The following HELZ variants were observed in gnomAD, a reference collection of about 807,000 sequenced individuals.
The protein encoded by HELZ is helicase with zinc finger, also known as ATP-dependent RNA helicase with zinc finger domain.
Under a neutral mutation model 218.2 loss-of-function variants are expected in HELZ, and 23 were observed. The observed-to-expected ratio is 0.11, with a 90% CI of 0.08 to 0.15. The LOEUF is 0.15. Among genes scored for constraint, HELZ ranks in the 10% least tolerant of loss-of-function variants. The pLI, the probability that HELZ is intolerant of heterozygous loss-of-function variation, is 1.00. For missense variants in HELZ, 1,813 were observed against 2,353.7 expected (o/e 0.77, Z 4.75); for synonymous variants, 814 against 829.4 (o/e 0.98, Z 0.32).
intron 32 of HELZ, among the ~76,000 whole-genome samples, chr17:67,084,535 C>T (rs916505584): frequency 1.3e-5 from 2 of 151,836 alleles, no homozygotes; most frequent in Non-Finnish European, 2.9e-5. Context: ...TGGTGGCGGG[C>T]GCCTGTAGTC....
chr17:67,141,737 A>G (rs911763689), intron 21 of HELZ, among the ~76,000 whole-genome samples: 1 of 152,034 alleles, frequency 6.6e-6, no homozygotes, highest in African/African-American at 2.4e-5. Flanking sequence ...CTCAAAAAAT[A>G]TAATTAAAAA....
intron 5 of HELZ, among the ~76,000 whole-genome samples, chr17:67,211,214 TC>T (rs2040441398): frequency 6.6e-6 from 1 of 152,062 alleles, no homozygotes; most frequent in Non-Finnish European, 1.5e-5. Flanking sequence ...TTTAATCAGT[TC>T]CTGGTTTAAA....
intron 23 of HELZ, among the ~76,000 whole-genome samples, chr17:67,130,169 A>G (rs1371456772): frequency 1.3e-5 from 2 of 152,098 alleles, no homozygotes; most frequent in African/African-American, 4.8e-5. Flanking sequence ...GAGATACTGG[A>G]GATTCAGAAG....
At chr17:67,168,288 T>G (rs2039209598) in intron 13 of HELZ, among the ~76,000 whole-genome samples, 1 of 152,120 alleles carries the variant, frequency 6.6e-6, no homozygotes, top group South Asian at 2.1e-4. Flanking sequence ...CAACAAAACT[T>G]TTTTTTAAGT....
In HELZ at chr17:67,136,216, T is replaced by C; in HGVS notation, c.2954-18A>G. 1 of 1,521,692 alleles carries C rather than the reference T, an allele frequency of 6.6e-7. No homozygotes were observed. 94.3% of individuals were successfully genotyped at this position (1,521,692 alleles called of 1,614,324 possible). ...TTGCTTTCCTACAAAGAAAATTTTT[T>C]AAGAAAAGACTTAAGATTGTCATTC... On this transcript the variant is annotated intron_variant, in intron 22 of 32. Coordinates refer to ENST00000358691, the MANE Select transcript of HELZ (RefSeq NM_014877.4).
intron 22 of HELZ, among the ~76,000 whole-genome samples, chr17:67,136,860 T>C (rs1206430679): frequency 6.6e-6 from 1 of 152,128 alleles, no homozygotes; most frequent in Non-Finnish European, 1.5e-5. Context: ...TGGAGATGAA[T>C]GGTGATGACT....
At chr17:67,221,842 G>GTT (rs375220068) in intron 3 of HELZ, among the ~76,000 whole-genome samples, 50 of 131,288 alleles carry the variant, frequency 3.8e-4, no homozygotes, top group African/African-American at 7.8e-4. Context: ...TGTTTTTTGT[G>GTT]TTTTTTTTTT....
Position 67,194,142 on chromosome 17 carries a change from C to G in HELZ, c.482-100G>C. On this transcript the variant is annotated intron_variant, in intron 8 of 32. Coordinates refer to ENST00000358691, the MANE Select transcript of HELZ (RefSeq NM_014877.4). The stretch of plus-strand genomic sequence containing the variant: ...ACTACAATCCCTCCACATACATCAT[C>G]CCATATGATGTAAAAAAGAACATGA... The G allele has an allele frequency of 1.0e-5, 8 of 781,904 alleles. No individual in the cohort carries two copies. In the South Asian group the frequency reaches 1.3e-4, roughly 13 times the overall value. The allele number at this position is 781,904 out of a possible 1,614,324, so 48.4% of individuals were successfully genotyped here.
At chr17:67,220,856 C>T (rs1232536302) in intron 3 of HELZ, among the ~76,000 whole-genome samples, 2 of 146,244 alleles carry the variant, frequency 1.4e-5, no homozygotes, top group South Asian at 2.3e-4. Context: ...AACTCCCCCC[C>T]CCCCAAAAAA....
intron 12 of HELZ, among the ~76,000 whole-genome samples, chr17:67,187,405 G>A (rs1370879651): frequency 1.3e-5 from 2 of 152,044 alleles, no homozygotes; most frequent in African/African-American, 4.8e-5. Context: ...AAAGTAAAGA[G>A]GAAGACAGAC....
intron 24 of HELZ, among the ~76,000 whole-genome samples, chr17:67,126,688 A>AACACAC (rs10623703): frequency 7.3e-5 from 11 of 149,854 alleles, no homozygotes; most frequent in South Asian, 2.1e-4. Flanking sequence ...GTCCTGCTAA[A>AACACAC]ACACACACAC....
In HELZ at chr17:67,078,547, T is replaced by C; in HGVS notation, c.5534A>G (p.Lys1845Arg). 1 of 1,495,526 alleles carries C rather than the reference T, an allele frequency of 6.7e-7. No homozygotes were observed. The highest frequency in any genetic ancestry group is 8.9e-7 in the Non-Finnish European group (1 of 1,123,366). 92.6% of individuals were successfully genotyped at this position (1,495,526 alleles called of 1,614,324 possible). Residue 1845 changes from lysine (K) to arginine (R), a missense_variant, in exon 33 of 33, where the codon AAG becomes AGG. This residue lies in a region of HELZ where 938 missense variants were observed against 1,027.5 expected (regional missense o/e 0.91). Coordinates refer to ENST00000358691, the MANE Select transcript of HELZ (RefSeq NM_014877.4). The stretch of plus-strand genomic sequence containing the variant: ...ACTGGACACCTCGAGGTTCTCCGAC[T>C]TCAGTTGATCCTCAGGGGGTTTGAC... ...KTVKPPEDQL[K>R]SENLEVSSSF...
Position 67,101,003 on chromosome 17 carries a change from G to A in HELZ, c.5241+6166C>T, listed in dbSNP as rs1221603236. ...TGGGTACCTGTAGTCCCAGCTACTC[G>A]GGAGGCTGAGGCAGGAGAATGGCAT... On this transcript the variant is annotated intron_variant, in intron 31 of 32. Transcript: ENST00000358691. Among the ~76,000 whole-genome samples, 3 of 151,860 alleles carry A rather than the reference G, an allele frequency of 2.0e-5. No homozygotes were observed. The East Asian group carries it at 5.8e-4, about 29-fold the overall frequency.
At chr17:67,203,644 T>TA (rs2040226053) in intron 5 of HELZ, among the ~76,000 whole-genome samples, 2 of 152,298 alleles carry the variant, frequency 1.3e-5, no homozygotes, top group Non-Finnish European at 2.9e-5. Context: ...GCAATAAACA[T>TA]ACCGAACTTA....
intron 28 of HELZ, among the ~76,000 whole-genome samples, chr17:67,113,207 T>C (rs1458858420): frequency 6.6e-6 from 1 of 151,970 alleles, no homozygotes; most frequent in Non-Finnish European, 1.5e-5. Context: ...CTGGAAAGAA[T>C]CCAAAGATAA....
intron 2 of HELZ, among the ~76,000 whole-genome samples, chr17:67,242,280 T>C (rs2041333436): frequency 6.6e-6 from 1 of 152,048 alleles, no homozygotes; most frequent in Non-Finnish European, 1.5e-5. Flanking sequence ...CCGGGTGTGG[T>C]GGCGTAAGCC....
chr17:67,225,235 A>G (rs187609967), intron 3 of HELZ: 1 of 273,942 alleles, frequency 3.7e-6, no homozygotes, highest in East Asian at 9.6e-5. Context: ...TAATCCTCAC[A>G]ATGACCCTAT....
chr17:67,085,578 T>C (rs1372999955), intron 32 of HELZ, among the ~76,000 whole-genome samples: 1 of 151,952 alleles, frequency 6.6e-6, no homozygotes, highest in Non-Finnish European at 1.5e-5. Context: ...TTTTTTACCA[T>C]GTCTATTGTT....
chr17:67,175,499 C>T (rs56190567), intron 13 of HELZ, among the ~76,000 whole-genome samples: 5,342 of 152,266 alleles, frequency 0.035, 140 homozygotes, highest in Non-Finnish European at 0.059. Context: ...AAACAAAATA[C>T]TCTTTTAAGC....
Sources: allele counts gnomAD v4.1 joint callset (sites outside exome capture counted in the v4.1 genomes callset), GRCh38; gene constraint gnomAD v4.1.1; regional missense constraint gnomAD v4.1.1; transcripts MANE v1.5; gene names NCBI Gene and HGNC (gene_info 2026-07-23, HGNC 2026-07-21).